ZNF557: variants seen among roughly 807,000 people sequenced by gnomAD.
ZNF557 encodes the protein zinc finger protein 557, also known as CTB-25J19.9.
A neutral mutation model predicts 21.2 loss-of-function variants in ZNF557; 19 were observed. That is an observed-to-expected ratio of 0.90 (90% CI 0.63 to 1.32). The LOEUF (loss-of-function observed/expected upper bound fraction) is 1.32. ZNF557 is among the 40% of genes most tolerant of loss of function. The probability of loss-of-function intolerance (pLI) is 0.00; values close to 1 mark genes in which losing one functional copy is unlikely to be tolerated. For missense variants in ZNF557, 487 were observed against 519.8 expected (o/e 0.94, Z 0.61); for synonymous variants, 207 against 194.8 (o/e 1.06, Z -0.52).
rs916365760 is a variant in ZNF557 at position 7,075,051 on chromosome 19, C to T, written c.-24C>T. 1.9e-6 allele frequency: 3 copies of T among 1,613,956 alleles called. No homozygotes were observed. The highest frequency in any genetic ancestry group is 2.7e-5 in the African/African-American group (2 of 74,912). On this transcript the variant is annotated 5_prime_UTR_variant, in exon 3 of 8. Coordinates refer to ENST00000252840, the MANE Select transcript of ZNF557 (RefSeq NM_024341.3). ...GGAGGAGCGTCCTGCTTCCCGGCTG[C>T]CCTGTTGCTGTCGGAGTCACAGGAT...
intron 7 of ZNF557, 52 bp downstream of exon 7, chr19:7,082,104 A>C (rs190341421): frequency 6.9e-7 from 1 of 1,453,380 alleles, no homozygotes; most frequent in East Asian, 2.3e-5. Flanking sequence ...AATGCCCTAC[A>C]TGAGAAAAGC....
intron 2 of ZNF557, among the ~76,000 whole-genome samples, chr19:7,074,331 TACACAC>T (rs71177149): frequency 1.3e-5 from 2 of 150,034 alleles, no homozygotes; most frequent in Admixed American, 1.3e-4. Flanking sequence ...TGTGTGTATA[TACACAC>T]ACACACACAC....
chr19:7,076,783 C>T (rs1977594332), intron 5 of ZNF557, among the ~76,000 whole-genome samples: 1 of 152,128 alleles, frequency 6.6e-6, no homozygotes, highest in African/African-American at 2.4e-5. Context: ...ATCTTTCCGT[C>T]TCTATAGATG....
rs1977743493 is a variant in ZNF557, at chr19:7,082,948, C to T, written c.497C>T (p.Ser166Phe). ...QCFKVFSTKS[S>F]LTRHRKIHTG... ...TTTAAAGTCTTCAGCACAAAATCTT[C>T]CCTTACACGGCACAGGAAGATTCAT... The change falls in exon 8 of 8, where the codon TCC becomes TTC. Residue 166 changes from serine (S) to phenylalanine (F), a missense_variant. By Grantham distance (155) the Ser-to-Phe change is radical. Transcript: ENST00000252840. 1 of 1,613,546 alleles carries T rather than the reference C, an allele frequency of 6.2e-7. No individual in the cohort carries two copies. The highest frequency in any genetic ancestry group is 8.5e-7 in the Non-Finnish European group (1 of 1,179,738).
intron 2 of ZNF557, among the ~76,000 whole-genome samples, chr19:7,071,170 C>G (rs1977449085): frequency 6.6e-6 from 1 of 152,118 alleles, no homozygotes; most frequent in African/African-American, 2.4e-5. Flanking sequence ...ATATGCAAAT[C>G]AGTACACAAA....
rs1977792521 is a variant in ZNF557 at position 7,084,517 on chromosome 19, ATTTGT to A, written c.*777_*781del. The A allele has an allele frequency of 6.8e-6, 1 of 148,012 alleles. No homozygotes were observed. Among genetic ancestry groups the A allele is most frequent in the South Asian group, 2.1e-4 (1 of 4,682 alleles). The allele number at this position is 148,012 out of a possible 1,614,324, so 9.2% of individuals were successfully genotyped here. ...AGGTGCATGACACCATGTCTGGCTA[ATTTGT>A]TTTTTTTTAAACTAGAGGGAGGGTT... On this transcript the variant is annotated 3_prime_UTR_variant, in exon 8 of 8. Coordinates refer to ENST00000252840, the MANE Select transcript of ZNF557 (RefSeq NM_024341.3).
intron 5 of ZNF557, 34 bp from the exon 6 acceptor site, chr19:7,081,326 C>A: frequency 7.0e-7 from 1 of 1,430,054 alleles, no homozygotes; most frequent in Non-Finnish European, 9.9e-7. Context: ...GCTGCACAGT[C>A]CCCCTACATC....
intron 5 of ZNF557, among the ~76,000 whole-genome samples, chr19:7,077,634 C>T (rs1183436896): frequency 6.6e-6 from 1 of 152,120 alleles, no homozygotes; most frequent in Admixed American, 6.5e-5. Flanking sequence ...TGCTTGAGCA[C>T]CTGTTTTCTC....
At position 7,075,162 on chromosome 19, in the gene ZNF557, C is replaced by T. The variant is rs1977559192; in HGVS notation, c.31+57C>T. 3 of 1,611,344 alleles carry T rather than the reference C, an allele frequency of 1.9e-6. No individual in the cohort carries two copies. In the African/African-American group the frequency reaches 4.0e-5, roughly 22 times the overall value. ...TCCAGGCTTGAAAGGTCCTGACCCA[C>T]AGCATGGGATGGGAGGGGGTTGGGC... is the stretch of plus-strand genomic sequence containing the variant. On this transcript the variant is annotated intron_variant, in intron 3 of 7. Coordinates refer to ENST00000252840, the MANE Select transcript of ZNF557 (RefSeq NM_024341.3).
Position 7,087,083 on chromosome 19 carries a change from C to T in ZNF557, c.*3339C>T, listed in dbSNP as rs1977868854. 1 of 151,806 alleles carries T rather than the reference C, an allele frequency of 6.6e-6. No individual in the cohort carries two copies. Among genetic ancestry groups the T allele is most frequent in the Non-Finnish European group, 1.5e-5 (1 of 68,022 alleles). The allele number at this position is 151,806 out of a possible 1,614,324, so 9.4% of individuals were successfully genotyped here. ...CCTGAAGCTTAGACAGGCTTTATCC[C>T]ACTCTGCTGGCTAAAAGAAGTAGGA... On this transcript the variant is annotated 3_prime_UTR_variant, in exon 8 of 8. Coordinates refer to ENST00000252840, the MANE Select transcript of ZNF557 (RefSeq NM_024341.3).
intron 5 of ZNF557, among the ~76,000 whole-genome samples, chr19:7,079,268 G>A (rs1224735842): frequency 7.8e-6 from 1 of 127,774 alleles, no homozygotes; most frequent in Non-Finnish European, 1.6e-5. Context: ...TTGAGATGGA[G>A]TCTCACTCTG....
intron 3 of ZNF557, 108 bp downstream of exon 3, chr19:7,075,213 C>T (rs1977560126): frequency 1.3e-6 from 2 of 1,491,624 alleles, no homozygotes; most frequent in Admixed American, 1.7e-5. Context: ...GGAGTGGAGC[C>T]CCAGGGGCCC....
At position 7,078,420 on chromosome 19, in the gene ZNF557, T is replaced by G. The variant is rs1977627033; in HGVS notation, c.247+1913T>G. On this transcript the variant is annotated intron_variant, in intron 5 of 7. Coordinates refer to ENST00000252840, the MANE Select transcript of ZNF557 (RefSeq NM_024341.3). ...CAAATTTGGGAAAGTTTGGCCATTA[T>G]TTTTACATATATTCCTTTTTTTTTT... 2.0e-5 allele frequency among the ~76,000 whole-genome samples: 3 copies of G among 152,166 alleles called. No homozygotes were observed. In the South Asian group the frequency reaches 6.2e-4, roughly 32 times the overall value.
chr19:7,074,903 C>T (rs1187799981), intron 2 of ZNF557, 93 bp from the exon 3 acceptor site: 18 of 975,710 alleles, frequency 1.8e-5, no homozygotes, highest in African/African-American at 3.9e-5. Flanking sequence ...ACGGGGTGAC[C>T]GAGGCAGGGC....
At chr19:7,075,591 C>T in intron 3 of ZNF557, 64 bp from the exon 4 acceptor site, 1 of 1,552,118 alleles carries the variant, frequency 6.4e-7, no homozygotes, top group South Asian at 1.1e-5. Flanking sequence ...GTGGGGAAGC[C>T]TCCAGATGTG....
intron 2 of ZNF557, among the ~76,000 whole-genome samples, chr19:7,071,018 G>A (rs1162390423): frequency 2.6e-5 from 4 of 151,998 alleles, no homozygotes; most frequent in Non-Finnish European, 4.4e-5. Flanking sequence ...CACCCACCTC[G>A]GCCTCCTAAA....
chr19:7,073,017 C>T (rs1216648802), intron 2 of ZNF557, among the ~76,000 whole-genome samples: 1 of 152,124 alleles, frequency 6.6e-6, no homozygotes, highest in Non-Finnish European at 1.5e-5. Flanking sequence ...AGGGGGCGAC[C>T]CACCAGGGGC....
At chr19:7,071,864 G>A (rs547145710) in intron 2 of ZNF557, among the ~76,000 whole-genome samples, 7 of 146,720 alleles carry the variant, frequency 4.8e-5, no homozygotes, top group East Asian at 4.1e-4. Context: ...CCAGCACTTC[G>A]GGAGGCCAAG....
Position 7,086,047 on chromosome 19 carries a change from TG to T in ZNF557, c.*2305del, listed in dbSNP as rs1277187883. The T allele has an allele frequency of 4.6e-5, 7 of 151,696 alleles. No individual in the cohort carries two copies. The highest frequency in any genetic ancestry group is 1.2e-4 in the African/African-American group (5 of 41,312). The allele number at this position is 151,696 out of a possible 1,614,324, so 9.4% of individuals were successfully genotyped here. On this transcript the variant is annotated 3_prime_UTR_variant, in exon 8 of 8. Transcript: ENST00000252840. ...GAGCTTGAGACCAGCCTGGCCAACA[TG>T]GTGAAACCCCGCTTCTACTAAAAAA... is the stretch of plus-strand genomic sequence containing the variant.
Sources: allele counts gnomAD v4.1 joint callset (sites outside exome capture counted in the v4.1 genomes callset), GRCh38; gene constraint gnomAD v4.1.1; transcripts MANE v1.5; gene names NCBI Gene and HGNC (gene_info 2026-07-23, HGNC 2026-07-21).